The following FRMD4A variants were observed in gnomAD, a reference collection of about 807,000 sequenced individuals.
The protein encoded by FRMD4A is FERM domain-containing protein 4A.
Under a neutral mutation model 129.1 loss-of-function variants are expected in FRMD4A, and 29 were observed. That is an observed-to-expected ratio of 0.22 (90% CI 0.17 to 0.31). The LOEUF is 0.31. FRMD4A is among the 10% of genes least tolerant of loss of function. The pLI is 1.00. For missense variants in FRMD4A, 1,272 were observed against 1,375.8 expected, an observed-to-expected ratio of 0.92 and a Z score of 1.19; for synonymous variants, 634 against 571.6, an observed-to-expected ratio of 1.11 and a Z score of -1.56.
At chr10:14,244,903 A>G (rs565428297) in intron 2 of FRMD4A, among the ~76,000 whole-genome samples, 1 of 152,342 alleles carries the variant, frequency 6.6e-6, no homozygotes, top group East Asian at 1.9e-4. Context: ...CTAAATGGCT[A>G]TAATGCTCTT....
chr10:13,882,835 G>T (rs1185200816), intron 2 of FRMD4A, among the ~76,000 whole-genome samples: 2 of 144,920 alleles, frequency 1.4e-5, no homozygotes, highest in Non-Finnish European at 1.5e-5. Flanking sequence ...AGACACACTC[G>T]CTCTGTCACC....
chr10:13,884,186 A>ACT (rs1554956520), intron 2 of FRMD4A, among the ~76,000 whole-genome samples: 1,323 of 109,456 alleles, frequency 0.012, 64 homozygotes, highest in East Asian at 0.09. Flanking sequence ...TCACACACAC[A>ACT]CACACACACT....
chr10:14,103,947 G>A (rs530326292), intron 2 of FRMD4A, among the ~76,000 whole-genome samples: 9 of 152,330 alleles, frequency 5.9e-5, no homozygotes, highest in South Asian at 4.1e-4. Flanking sequence ...TACCGTCAGC[G>A]ATTCCTACTA....
intron 2 of FRMD4A, among the ~76,000 whole-genome samples, chr10:14,247,682 A>G (rs980365055): frequency 1.3e-5 from 2 of 152,262 alleles, no homozygotes; most frequent in Admixed American, 1.3e-4. Context: ...TAGCCCCTAC[A>G]TTTAGGGAAG....
intron 23 of FRMD4A, chr10:13,652,270 T>G (rs1431345245): frequency 6.6e-6 from 3 of 452,000 alleles, no homozygotes; most frequent in African/African-American, 5.9e-5. Flanking sequence ...CAAATTTGGC[T>G]TGAGTCCTCA....
At chr10:14,123,271 G>A (rs937736194) in intron 2 of FRMD4A, among the ~76,000 whole-genome samples, 41 of 152,196 alleles carry the variant, frequency 2.7e-4, no homozygotes, top group African/African-American at 8.7e-4. Flanking sequence ...CTGTTAGTTC[G>A]AACCAGTCCT....
chr10:14,320,913 C>G (rs1237615662), intron 2 of FRMD4A, among the ~76,000 whole-genome samples: 2 of 152,244 alleles, frequency 1.3e-5, no homozygotes, highest in Non-Finnish European at 2.9e-5. Context: ...CTTCTTGCAG[C>G]TCACCCTTCA....
chr10:13,935,474 A>AGG (rs2095241150), intron 2 of FRMD4A, among the ~76,000 whole-genome samples: 13 of 150,296 alleles, frequency 8.6e-5, no homozygotes, highest in South Asian at 2.1e-4. Flanking sequence ...AAAAAAAAAA[A>AGG]AGTTGTTACC....
chr10:14,205,982 G>C (rs1842771591), intron 2 of FRMD4A, among the ~76,000 whole-genome samples: 1 of 151,956 alleles, frequency 6.6e-6, no homozygotes, highest in African/African-American at 2.4e-5. Context: ...TTCTTTCCAG[G>C]ATTTATGGCA....
intron 3 of FRMD4A, among the ~76,000 whole-genome samples, chr10:13,837,446 T>C (rs558323249): frequency 6.6e-6 from 1 of 152,306 alleles, no homozygotes; most frequent in Middle Eastern, 3.4e-3. Context: ...CCAGCCAAGA[T>C]TCCTGACCTT....
At chr10:14,306,526 A>G (rs1318617131) in intron 2 of FRMD4A, among the ~76,000 whole-genome samples, 1 of 152,256 alleles carries the variant, frequency 6.6e-6, no homozygotes, top group Non-Finnish European at 1.5e-5. Context: ...TTATAATAGC[A>G]GGTCCTGAGC....
chr10:13,865,947 A>T (rs1441121083), intron 2 of FRMD4A, among the ~76,000 whole-genome samples: 2 of 152,148 alleles, frequency 1.3e-5, no homozygotes, highest in Non-Finnish European at 2.9e-5. Context: ...AGAGCTGTTT[A>T]GTGAGATGTT....
At chr10:14,162,644 T>TG (rs1373274784) in intron 2 of FRMD4A, among the ~76,000 whole-genome samples, 3 of 134,550 alleles carry the variant, frequency 2.2e-5, no homozygotes, top group East Asian at 4.2e-4. Context: ...TTTTTTTGTT[T>TG]TTTTTTTTTT....
At chr10:14,308,902 C>G (rs1846442545) in intron 2 of FRMD4A, among the ~76,000 whole-genome samples, 1 of 152,178 alleles carries the variant, frequency 6.6e-6, no homozygotes, top group African/African-American at 2.4e-5. Context: ...CTACAAGATG[C>G]TGCTAATACG....
intron 24 of FRMD4A, 79 bp from the exon 25 acceptor site, chr10:13,647,114 G>C (rs1035368585): frequency 5.0e-6 from 1 of 198,396 alleles, no homozygotes; most frequent in Non-Finnish European, 9.1e-6. Context: ...CACTGAGAAG[G>C]ATATGTTCAC....
chr10:14,114,697 T>C (rs945724507), intron 2 of FRMD4A, among the ~76,000 whole-genome samples: 1 of 152,150 alleles, frequency 6.6e-6, no homozygotes, highest in African/African-American at 2.4e-5. Context: ...CAATGCCTCT[T>C]TGGGGTCAGC....
At chr10:13,714,522 A>G (rs190654121) in intron 12 of FRMD4A, among the ~76,000 whole-genome samples, 4 of 152,076 alleles carry the variant, frequency 2.6e-5, no homozygotes, top group African/African-American at 7.2e-5. Context: ...CTTTCCAACC[A>G]TTCATGTAGT....
Position 13,673,031 on chromosome 10 carries a change from G to A in FRMD4A, c.1251+1880C>T, listed in dbSNP as rs182843286. On this transcript the variant is annotated intron_variant, in intron 16 of 24. Coordinates refer to ENST00000357447, the MANE Select transcript of FRMD4A (RefSeq NM_018027.5). ...AGCGATGGTGAGATTTTTTTATAAT[G>A]CATGCTCATCTTGCCCTGACATGTT... 7.9e-5 allele frequency among the ~76,000 whole-genome samples: 12 copies of A among 152,130 alleles called. No individual in the cohort carries two copies. In the East Asian group the frequency reaches 2.3e-3, roughly 29 times the overall value.
intron 2 of FRMD4A, among the ~76,000 whole-genome samples, chr10:14,131,397 C>T (rs1428573835): frequency 1.4e-5 from 1 of 70,876 alleles, no homozygotes; most frequent in Non-Finnish European, 3.2e-5. Flanking sequence ...ACTCACTGTG[C>T]CCCCCCCGGC....
Sources: allele counts gnomAD v4.1 joint callset (sites outside exome capture counted in the v4.1 genomes callset), GRCh38; gene constraint gnomAD v4.1.1; transcripts MANE v1.5; gene names NCBI Gene and HGNC (gene_info 2026-07-23, HGNC 2026-07-21).